The following RTN3 variants were observed in gnomAD, a reference collection of about 807,000 sequenced individuals.
The protein encoded by RTN3 is reticulon 3.
In RTN3, 49 loss-of-function variants were observed where a neutral mutation model predicts 77.8. The ratio of observed to expected loss-of-function variants is 0.63; its 90% CI spans 0.50 to 0.80. The LOEUF (loss-of-function observed/expected upper bound fraction) is 0.80. Ranked by LOEUF, RTN3 falls within the 30% of genes least tolerant of loss-of-function variation. The pLI, the probability that RTN3 is intolerant of heterozygous loss-of-function variation, is 0.00. For missense variants in RTN3, 1,236 were observed against 1,211.9 expected, an observed-to-expected ratio of 1.02 and a Z score of -0.29; for synonymous variants, 464 against 446.9, an observed-to-expected ratio of 1.04 and a Z score of -0.48.
In RTN3 at chr11:63,752,170, A is replaced by T. The variant is rs552511344; in HGVS notation, c.2739-337A>T. Among the ~76,000 whole-genome samples the T allele has an allele frequency of 1.9e-4, 17 of 88,856 alleles. No individual in the cohort carries two copies. The East Asian group carries it at 2.3e-3, about 12-fold the overall frequency. The allele number at this position is 88,856 out of a possible 152,430, so 58.3% of individuals were successfully genotyped here. A position where few individuals can be genotyped will look rare whatever the true frequency, so the allele number is the denominator to read the frequency against. On this transcript the variant is annotated intron_variant, in intron 4 of 8. Coordinates refer to ENST00000377819, the MANE Select transcript of RTN3 (RefSeq NM_001265589.2). ...AGGATATGTTAATGTTAAAACTGCTAAAAAAAAAAAAAAAAGTACCTTGTT... is the reference window on the plus strand; with the variant it reads ...AGGATATGTTAATGTTAAAACTGCTTAAAAAAAAAAAAAAAGTACCTTGTT...
intron 3 of RTN3, among the ~76,000 whole-genome samples, chr11:63,733,838 C>T (rs2012876094): frequency 2.0e-5 from 3 of 151,506 alleles, no homozygotes. Flanking sequence ...CTGGAGTGAG[C>T]CATGATTGTA....
chr11:63,717,541 C>A (rs2011484071), intron 2 of RTN3, among the ~76,000 whole-genome samples: 2 of 151,552 alleles, frequency 1.3e-5, no homozygotes, highest in Non-Finnish European at 2.9e-5. Flanking sequence ...GTGCCTGCCA[C>A]CACGCCCGGC....
intron 4 of RTN3, among the ~76,000 whole-genome samples, chr11:63,750,682 C>T (rs569957719): frequency 7.2e-5 from 11 of 151,802 alleles, no homozygotes; most frequent in Non-Finnish European, 1.2e-4. Context: ...AAACTTCTGA[C>T]CTTGGGTGAT....
At chr11:63,694,391 C>T (rs1316368709) in intron 1 of RTN3, among the ~76,000 whole-genome samples, 1 of 152,014 alleles carries the variant, frequency 6.6e-6, no homozygotes, top group Non-Finnish European at 1.5e-5. Context: ...GGTCAGGCTG[C>T]TCTTGAACTC....
rs11551940 is a variant in RTN3, at chr11:63,681,672, C to T, written c.36C>T (p.Ser12=). 6.2e-7 allele frequency: 1 copy of T among 1,611,876 alleles called. No homozygotes were observed. The highest frequency in any genetic ancestry group is 8.5e-7 in the Non-Finnish European group (1 of 1,178,858). The part of the protein sequence containing the change: ...AEPSAATQSH[S]ISSSSFGAEP... Reference sequence around the variant, plus strand: ...CGTCGGCGGCCACTCAGTCCCATTCCATCTCCTCGTCGTCCTTCGGAGCCG... The same window carrying T: ...CGTCGGCGGCCACTCAGTCCCATTCTATCTCCTCGTCGTCCTTCGGAGCCG... The change falls in exon 1 of 9, where the codon TCC becomes TCT. Residue 12 remains serine (S), a synonymous_variant. Coordinates refer to ENST00000377819, the MANE Select transcript of RTN3 (RefSeq NM_001265589.2).
At chr11:63,681,914 G>A (rs1380473220) in intron 1 of RTN3, 136 bp downstream of exon 1, 1 of 974,304 alleles carries the variant, frequency 1.0e-6, no homozygotes, top group East Asian at 3.0e-5. Context: ...GGGGACGAGC[G>A]TTTGGAAAAT....
chr11:63,699,030 G>A (rs899294706), intron 1 of RTN3, among the ~76,000 whole-genome samples: 2 of 152,190 alleles, frequency 1.3e-5, no homozygotes, highest in African/African-American at 4.8e-5. Flanking sequence ...GCTCACGCCT[G>A]TAATCCGAAC....
At chr11:63,723,962 A>G (rs1174588372) in intron 3 of RTN3, among the ~76,000 whole-genome samples, 3 of 152,112 alleles carry the variant, frequency 2.0e-5, no homozygotes, top group South Asian at 2.1e-4. Flanking sequence ...ATAGACTCTC[A>G]TAGTTTGGGG....
intron 1 of RTN3, 22 bp downstream of exon 1, chr11:63,681,800 C>G: frequency 1.3e-6 from 2 of 1,535,656 alleles, no homozygotes; most frequent in Non-Finnish European, 1.7e-6. Flanking sequence ...GGGGAGCCCC[C>G]GCCCTGGGAA....
At chr11:63,695,662 A>G (rs965919566) in intron 1 of RTN3, among the ~76,000 whole-genome samples, 1 of 152,192 alleles carries the variant, frequency 6.6e-6, no homozygotes, top group Non-Finnish European at 1.5e-5. Flanking sequence ...AAAAGCCATC[A>G]CTCCAGTCTA....
Position 63,756,171 on chromosome 11 carries a change from G to T in RTN3, c.3053+1G>T. On this transcript the variant is annotated splice_donor_variant, in intron 8 of 8. Transcript: ENST00000377819. LOFTEE classifies it high-confidence loss of function. ...ATCAGACCAAGTCAATTGTTGAAAAGTAAGTACATTTAGAGACCACATCAT... is the reference window on the plus strand; with the variant it reads ...ATCAGACCAAGTCAATTGTTGAAAATTAAGTACATTTAGAGACCACATCAT... The T allele has an allele frequency of 1.9e-6, 3 of 1,606,774 alleles. No individual in the cohort carries two copies. The highest frequency in any genetic ancestry group is 2.6e-6 in the Non-Finnish European group (3 of 1,173,364).
intron 2 of RTN3, among the ~76,000 whole-genome samples, chr11:63,717,876 T>C (rs1397132003): frequency 6.6e-6 from 1 of 151,624 alleles, no homozygotes; most frequent in African/African-American, 2.4e-5. Context: ...TTAGCTGGGC[T>C]TGATGGTGCC....
rs1332530791 is a variant in RTN3, at chr11:63,720,096, G to T, written c.1594G>T (p.Val532Leu). Residue 532 changes from valine (V) to leucine (L), a missense_variant, in exon 3 of 9, where the codon GTA becomes TTA. By Grantham distance (32) the Val-to-Leu change is conservative. Around this residue, in one of 3 missense-constraint regions of RTN3, gnomAD observed 1,056 missense variants for 990.4 expected, o/e 1.07. Coordinates refer to ENST00000377819, the MANE Select transcript of RTN3 (RefSeq NM_001265589.2). ...ACCTGTTTCCATTCCAAGTGCTGTT[G>T]TAAAAACAGGTGAAAGAGAAATCAA... ...EKPVSIPSAV[V>L]KTGEREIKEI... 8.1e-6 allele frequency: 13 copies of T among 1,613,400 alleles called. No homozygotes were observed. Among genetic ancestry groups the T allele is most frequent in the Non-Finnish European group, 1.1e-5 (13 of 1,179,854 alleles).
intron 1 of RTN3, among the ~76,000 whole-genome samples, chr11:63,692,147 C>G (rs963483057): frequency 6.6e-6 from 1 of 152,054 alleles, no homozygotes; most frequent in African/African-American, 2.4e-5. Flanking sequence ...CTCAGCCTCC[C>G]AAGTAGCTGG....
At chr11:63,748,344 C>G (rs952435309) in intron 3 of RTN3, among the ~76,000 whole-genome samples, 3 of 150,546 alleles carry the variant, frequency 2.0e-5, no homozygotes, top group Admixed American at 6.7e-5. Flanking sequence ...TTAATAGTGC[C>G]CCACTCACTT....
chr11:63,686,525 A>G (rs1565297048), intron 1 of RTN3, among the ~76,000 whole-genome samples: 1 of 148,188 alleles, frequency 6.7e-6, no homozygotes, highest in African/African-American at 2.5e-5. Flanking sequence ...ACTGCTTTTT[A>G]TTGTTGTTAT....
In RTN3 at chr11:63,685,427, C is replaced by T. The variant is rs565214254; in HGVS notation, c.142+3649C>T. On this transcript the variant is annotated intron_variant, in intron 1 of 8. Coordinates refer to ENST00000377819, the MANE Select transcript of RTN3 (RefSeq NM_001265589.2). ...AGGAAAATCACTTGAACCCAGGAGG[C>T]GGGAGTTGCAGTGAGCTGAGATCAC... is the stretch of plus-strand genomic sequence containing the variant. Among the ~76,000 whole-genome samples the T allele has an allele frequency of 1.6e-4, 22 of 141,144 alleles. No homozygotes were observed. In the South Asian group the frequency reaches 4.7e-3, roughly 30 times the overall value. 92.6% of individuals were successfully genotyped at this position (141,144 alleles called of 152,430 possible).
chr11:63,723,117 A>G (rs1384096158), intron 3 of RTN3, among the ~76,000 whole-genome samples: 1 of 152,164 alleles, frequency 6.6e-6, no homozygotes, highest in African/African-American at 2.4e-5. Context: ...GTGATTATCA[A>G]CTGAATTATT....
chr11:63,746,423 T>C (rs2013797350), intron 3 of RTN3, among the ~76,000 whole-genome samples: 1 of 152,252 alleles, frequency 6.6e-6, no homozygotes, highest in Non-Finnish European at 1.5e-5. Context: ...TCTGCCTCTT[T>C]ACCCCTACTT....
Sources: gnomAD v4.1 joint callset for allele counts (sites outside exome capture counted in the v4.1 genomes callset) on GRCh38, gnomAD v4.1.1 for gene constraint, gnomAD v4.1.1 regional missense constraint, MANE v1.5 for transcripts, NCBI Gene and HGNC (gene_info 2026-07-23, HGNC 2026-07-21) for gene names.